The following CACHD1 variants were observed in gnomAD, a reference collection of about 807,000 sequenced individuals.
The protein encoded by CACHD1 is VWFA and cache domain-containing protein 1.
CACHD1 carries 71 observed loss-of-function variants against 138.7 expected under a neutral mutation model. That is an observed-to-expected ratio of 0.51 (90% confidence interval 0.42 to 0.62). The LOEUF is 0.62. CACHD1 is among the 20% of genes least tolerant of loss of function. The probability of loss-of-function intolerance (pLI) is 0.00; values close to 1 mark genes in which losing one functional copy is unlikely to be tolerated. For synonymous variants in CACHD1, 578 were observed against 591.5 expected (o/e 0.98, Z 0.33); for missense variants, 1,389 against 1,625.3 (o/e 0.85, Z 2.50).
chr1:64,668,128 A>G (rs1015585187), intron 16 of CACHD1, among the ~76,000 whole-genome samples: 1 of 152,104 alleles, frequency 6.6e-6, no homozygotes, highest in African/African-American at 2.4e-5. Context: ...GAAGTTCAAG[A>G]CCAGACTGAC....
chr1:64,650,398 G>A (rs75892407), intron 9 of CACHD1, among the ~76,000 whole-genome samples: 1,930 of 152,218 alleles, frequency 0.013, 42 homozygotes, highest in African/African-American at 0.044. Context: ...TGCTCCTGCC[G>A]CTTACAACCT....
chr1:64,488,525 C>T (rs1646255997), intron 1 of CACHD1, among the ~76,000 whole-genome samples: 1 of 152,096 alleles, frequency 6.6e-6, no homozygotes, highest in Admixed American at 6.5e-5. Flanking sequence ...TATGTTCCTC[C>T]ATTATTCTTT....
intron 12 of CACHD1, among the ~76,000 whole-genome samples, chr1:64,656,562 GA>G (rs987594878): frequency 6.6e-6 from 1 of 152,148 alleles, no homozygotes. Flanking sequence ...GGGAAAGAAG[GA>G]AATGTAGGCA....
At chr1:64,599,271 T>C (rs1647191222) in intron 3 of CACHD1, among the ~76,000 whole-genome samples, 1 of 152,284 alleles carries the variant, frequency 6.6e-6, no homozygotes, top group African/African-American at 2.4e-5. Context: ...AAAAAAAATC[T>C]ATATCTAATA....
In CACHD1 at chr1:64,673,370, T is replaced by A. The variant is rs771322430; in HGVS notation, c.2633T>A (p.Ile878Asn). 6.2e-7 allele frequency: 1 copy of A among 1,614,080 alleles called. No individual in the cohort carries two copies. Among genetic ancestry groups the A allele is most frequent in the Non-Finnish European group, 8.5e-7 (1 of 1,179,992 alleles). ...THKEPLVAND[I>N]LNHPNFVKKN... is the part of the protein sequence containing the mutation. ...TAGGAGCCCCTGGTAGCAAATGATA[T>A]CCTCAACCACCCCAACTTTGTAAAG... Residue 878 changes from isoleucine to asparagine, a missense_variant, in exon 19 of 27, where the codon ATC (isoleucine) becomes AAC (asparagine). Transcript: ENST00000651257.
rs182542428 is a variant in CACHD1, at chr1:64,588,749, C to T, written c.410+6445C>T. On this transcript the variant is annotated intron_variant, in intron 3 of 26. Coordinates refer to ENST00000651257, the MANE Select transcript of CACHD1 (RefSeq NM_020925.4). ...TTCTTTCCCCAATTTCTTCTATAGA[C>T]GTTACTACCTGTTGGTATTCTTATT... Among the ~76,000 whole-genome samples the T allele has an allele frequency of 2.4e-4, 36 of 152,232 alleles. 1 individual carries two copies. The Middle Eastern group carries it at 0.01, about 43-fold the overall frequency.
At chr1:64,625,753 C>A (rs891077819) in intron 4 of CACHD1, among the ~76,000 whole-genome samples, 1 of 152,140 alleles carries the variant, frequency 6.6e-6, no homozygotes, top group Non-Finnish European at 1.5e-5. Context: ...TGCATTTGTA[C>A]CCCCTACATC....
At chr1:64,611,415 T>C (rs968713188) in intron 4 of CACHD1, among the ~76,000 whole-genome samples, 1 of 152,216 alleles carries the variant, frequency 6.6e-6, no homozygotes, top group African/African-American at 2.4e-5. Flanking sequence ...CAGTTTTAGA[T>C]AATCTCTTTG....
chr1:64,607,374 C>T (rs936652258), intron 4 of CACHD1, among the ~76,000 whole-genome samples: 5 of 152,072 alleles, frequency 3.3e-5, no homozygotes, highest in Non-Finnish European at 5.9e-5. Flanking sequence ...TATGATTTAG[C>T]AATGTAGAGG....
At chr1:64,669,848 GAGA>G (rs767167758) in intron 16 of CACHD1, among the ~76,000 whole-genome samples, 5 of 152,178 alleles carry the variant, frequency 3.3e-5, no homozygotes, top group Non-Finnish European at 7.3e-5. Flanking sequence ...AGTTATACAA[GAGA>G]AGTTTAGAAA....
At chr1:64,672,471 C>T (rs528845367) in intron 17 of CACHD1, among the ~76,000 whole-genome samples, 2 of 152,082 alleles carry the variant, frequency 1.3e-5, no homozygotes, top group Admixed American at 6.5e-5. Context: ...ACAGAAAGAC[C>T]ACATTCACAT....
chr1:64,644,735 CCTTA>C (rs1648847617), intron 8 of CACHD1, among the ~76,000 whole-genome samples: 1 of 152,132 alleles, frequency 6.6e-6, no homozygotes, highest in Non-Finnish European at 1.5e-5. Flanking sequence ...ACACAATTAA[CCTTA>C]CTTACAAATA....
chr1:64,619,843 C>T (rs1327156495), intron 4 of CACHD1, among the ~76,000 whole-genome samples: 1 of 152,068 alleles, frequency 6.6e-6, no homozygotes, highest in East Asian at 1.9e-4. Context: ...TCAGAATTTG[C>T]CTCCTCTAGT....
At chr1:64,606,141 G>A (rs12746086) in intron 4 of CACHD1, among the ~76,000 whole-genome samples, 50 of 113,488 alleles carry the variant, frequency 4.4e-4, no homozygotes, top group Admixed American at 3.1e-4. Context: ...GCACACACAC[G>A]CACACAGCTT....
chr1:64,578,364 G>A (rs1200971450), intron 2 of CACHD1, among the ~76,000 whole-genome samples: 2 of 152,192 alleles, frequency 1.3e-5, no homozygotes, highest in South Asian at 4.1e-4. Context: ...AACTCACAGG[G>A]TACAATCTTG....
At chr1:64,508,746 C>T (rs952028245) in intron 1 of CACHD1, among the ~76,000 whole-genome samples, 1 of 152,196 alleles carries the variant, frequency 6.6e-6, no homozygotes, top group Non-Finnish European at 1.5e-5. Context: ...GAGAACCATA[C>T]TCAGTCTTCT....
intron 1 of CACHD1, among the ~76,000 whole-genome samples, chr1:64,524,292 C>A (rs116611462): frequency 6.6e-6 from 1 of 152,298 alleles, no homozygotes; most frequent in Non-Finnish European, 1.5e-5. Context: ...TAAATAATGA[C>A]AAGCAAGTAT....
chr1:64,576,489 G>T (rs1322183430), intron 2 of CACHD1, among the ~76,000 whole-genome samples: 1 of 151,070 alleles, frequency 6.6e-6, no homozygotes, highest in East Asian at 1.9e-4. Flanking sequence ...TCCTTTTAGA[G>T]GGAAGAAAAA....
At chr1:64,509,755 A>G (rs1429301250) in intron 1 of CACHD1, among the ~76,000 whole-genome samples, 1 of 152,212 alleles carries the variant, frequency 6.6e-6, no homozygotes, top group Non-Finnish European at 1.5e-5. Flanking sequence ...CTATTTTAAT[A>G]TTGTGACATT....
Sources: allele counts gnomAD v4.1 joint callset (sites outside exome capture counted in the v4.1 genomes callset), GRCh38; gene constraint gnomAD v4.1.1; transcripts MANE v1.5; gene names NCBI Gene and HGNC (gene_info 2026-07-23, HGNC 2026-07-21).